The following ADCY1 variants were observed in gnomAD, a reference collection of about 807,000 sequenced individuals.
ADCY1 encodes the protein adenylate cyclase 1, also known as adenylate cyclase type 1.
Under a neutral mutation model 105.4 loss-of-function variants are expected in ADCY1, and 28 were observed. That is an observed-to-expected ratio of 0.27 (90% CI 0.20 to 0.36). ADCY1 has a LOEUF of 0.36. Ranked by LOEUF, ADCY1 falls within the 10% of genes least tolerant of loss-of-function variation. The pLI is 1.00. For synonymous variants in ADCY1, 655 were observed against 623.8 expected (o/e 1.05, Z -0.75); for missense variants, 977 against 1,434.2 (o/e 0.68, Z 5.15).
At chr7:45,633,591 C>G (rs1794318355) in intron 4 of ADCY1, among the ~76,000 whole-genome samples, 1 of 152,082 alleles carries the variant, frequency 6.6e-6, no homozygotes. Flanking sequence ...ATCACGAGAT[C>G]AAGAGATCGA....
intron 3 of ADCY1, among the ~76,000 whole-genome samples, chr7:45,610,818 A>ATGG (rs1793540690): frequency 1.9e-5 from 2 of 104,684 alleles, no homozygotes; most frequent in Admixed American, 9.7e-5. Flanking sequence ...TGGTGGAGGT[A>ATGG]TGGAGGTGAT....
At chr7:45,588,289 G>T (rs1792793481) in intron 1 of ADCY1, among the ~76,000 whole-genome samples, 1 of 151,986 alleles carries the variant, frequency 6.6e-6, no homozygotes, top group Non-Finnish European at 1.5e-5. Context: ...GCCCTGCAAG[G>T]TGCTCCAGGC....
At chr7:45,661,914 C>T in intron 7 of ADCY1, 145 bp from the exon 8 acceptor site, 1 of 982,576 alleles carries the variant, frequency 1.0e-6, no homozygotes, top group Non-Finnish European at 1.5e-6. Context: ...GGCACGTTCC[C>T]CAATGCCTGG....
Position 45,722,380 on chromosome 7 carries a change from G to A in ADCY1, c.*8385G>A, listed in dbSNP as rs1278445409. ...AGGGACAGGCCCAGGCCCGACCTCAGGTCATCCGCCCGCTGGCTGCAGAGC... is the reference window on the plus strand; with the variant it reads ...AGGGACAGGCCCAGGCCCGACCTCAAGTCATCCGCCCGCTGGCTGCAGAGC... On this transcript the variant is annotated 3_prime_UTR_variant, in exon 20 of 20. Transcript: ENST00000297323. 1 of 152,338 alleles carries A rather than the reference G, an allele frequency of 6.6e-6. No individual in the cohort carries two copies. The highest frequency in any genetic ancestry group is 2.1e-4 in the South Asian group (1 of 4,836). The allele number at this position is 152,338 out of a possible 1,614,324, so 9.4% of individuals were successfully genotyped here. A position where few individuals can be genotyped will look rare whatever the true frequency, so the allele number is the denominator to read the frequency against.
At chr7:45,589,644 G>T (rs1213100307) in intron 1 of ADCY1, among the ~76,000 whole-genome samples, 2 of 152,106 alleles carry the variant, frequency 1.3e-5, no homozygotes, top group Non-Finnish European at 2.9e-5. Context: ...GGTTGAGGAT[G>T]CTCATCTGGG....
At chr7:45,659,443 A>G (rs1006863170) in intron 6 of ADCY1, among the ~76,000 whole-genome samples, 4 of 152,122 alleles carry the variant, frequency 2.6e-5, no homozygotes, top group Admixed American at 6.5e-5. Flanking sequence ...AGGAGCAGAG[A>G]CTGTGGGTGT....
At chr7:45,672,841 A>G (rs762895454) in intron 8 of ADCY1, among the ~76,000 whole-genome samples, 3 of 152,054 alleles carry the variant, frequency 2.0e-5, no homozygotes, top group Non-Finnish European at 4.4e-5. Context: ...TTTTAGCACT[A>G]TGCTGCATGG....
intron 8 of ADCY1, among the ~76,000 whole-genome samples, chr7:45,672,432 G>A (rs1051457951): frequency 1.4e-5 from 2 of 147,008 alleles, no homozygotes; most frequent in African/African-American, 5.2e-5. Context: ...TTTCCTTTCT[G>A]TTTGCATGAA....
chr7:45,694,124 A>AC (rs1214163759), intron 14 of ADCY1, among the ~76,000 whole-genome samples: 2 of 150,590 alleles, frequency 1.3e-5, no homozygotes, highest in Non-Finnish European at 3.0e-5. Context: ...ATAAAAAAAA[A>AC]AAAAAAAAAA....
chr7:45,628,317 G>A (rs550658873), intron 4 of ADCY1, among the ~76,000 whole-genome samples: 139 of 152,298 alleles, frequency 9.1e-4, no homozygotes, highest in African/African-American at 3.3e-3. Flanking sequence ...TGAGCCTCTC[G>A]CTTTCCCTGC....
At chr7:45,589,218 A>G (rs916539009) in intron 1 of ADCY1, among the ~76,000 whole-genome samples, 1 of 152,060 alleles carries the variant, frequency 6.6e-6, no homozygotes, top group Non-Finnish European at 1.5e-5. Flanking sequence ...GGGTGTCCAT[A>G]CTGGGAGACC....
chr7:45,658,447 T>C (rs945463063), intron 6 of ADCY1, among the ~76,000 whole-genome samples: 1 of 152,160 alleles, frequency 6.6e-6, no homozygotes, highest in Admixed American at 6.5e-5. Flanking sequence ...TGCACCCCTC[T>C]GCCACCCCCA....
chr7:45,671,335 G>C (rs966864036), intron 8 of ADCY1, among the ~76,000 whole-genome samples: 4 of 152,162 alleles, frequency 2.6e-5, no homozygotes, highest in African/African-American at 9.7e-5. Context: ...TCATTCGCTT[G>C]TTGAAGGACA....
Position 45,686,523 on chromosome 7 carries a change from CT to C in ADCY1, c.2328-20del. On this transcript the variant is annotated intron_variant, in intron 13 of 19. Transcript: ENST00000297323. The surrounding 1 kb of genome is among the most constrained non-coding windows in gnomAD (Gnocchi z 4.3). ...CCCTGGAAGCTCGGCACTGACTTGG[CT>C]TTTCTTCCTCATCTTCCCCCAGGGG... 6.3e-7 allele frequency: 1 copy of C among 1,599,630 alleles called. No individual in the cohort carries two copies. Among genetic ancestry groups the C allele is most frequent in the Non-Finnish European group, 8.5e-7 (1 of 1,171,550 alleles).
rs1405205382 is a variant in ADCY1 at position 45,662,206 on chromosome 7, G to A, written c.1597G>A (p.Asp533Asn). 3.1e-6 allele frequency: 5 copies of A among 1,612,766 alleles called. No individual in the cohort carries two copies. Among genetic ancestry groups the A allele is most frequent in the Admixed American group, 1.7e-5 (1 of 59,922 alleles). The stretch of plus-strand genomic sequence containing the variant: ...CTCCAATGTCATGACCTGCGAGGAC[G>A]ATGACAAGGTAGGAGCAGCCAGGGA... Reference protein sequence around the residue: ...PFSNVMTCEDDDKRRALRTAS... With the variant: ...PFSNVMTCEDNDKRRALRTAS... The change falls in exon 8 of 20, where the codon GAT becomes AAT. Residue 533 changes from aspartate (D) to asparagine (N), a missense_variant. This residue lies in a region of ADCY1 where 275 missense variants were observed against 362.1 expected (regional missense o/e 0.76). Transcript: ENST00000297323.
Position 45,657,596 on chromosome 7 carries a change from C to T in ADCY1, c.1149-131C>T, listed in dbSNP as rs73694825. ...CACTGACTATGCCAGGAGACCTCCA[C>T]GCTCAGGCCACATGCAGCAAGGACA... On this transcript the variant is annotated intron_variant, in intron 5 of 19. Transcript: ENST00000297323. The T allele has an allele frequency of 1.9e-3, 1,935 of 995,064 alleles. 36 individuals carry two copies. In the African/African-American group the frequency reaches 0.028, roughly 14 times the overall value. The allele number at this position is 995,064 out of a possible 1,614,324, so 61.6% of individuals were successfully genotyped here. A position where few individuals can be genotyped will look rare whatever the true frequency, so the allele number is the denominator to read the frequency against.
intron 2 of ADCY1, among the ~76,000 whole-genome samples, chr7:45,594,192 G>T (rs1053783959): frequency 6.6e-6 from 1 of 152,138 alleles, no homozygotes; most frequent in Non-Finnish European, 1.5e-5. Context: ...TCTGTGATAT[G>T]CAGGGATATG....
intron 8 of ADCY1, chr7:45,664,167 C>T (rs979546536): frequency 1.7e-5 from 15 of 890,650 alleles, no homozygotes; most frequent in Admixed American, 8.5e-5. Context: ...GGCGTTCCTG[C>T]TAAAACTGGA....
In ADCY1 at chr7:45,694,112, TAATA is replaced by T. The variant is rs573025706; in HGVS notation, c.2454+7442_2454+7445del. Among the ~76,000 whole-genome samples, 175 of 31,748 alleles carry T rather than the reference TAATA, an allele frequency of 5.5e-3. 1 individual carries two copies. The East Asian group carries it at 0.11, about 19-fold the overall frequency. The allele number at this position is 31,748 out of a possible 152,430, so 20.8% of individuals were successfully genotyped here. A position where few individuals can be genotyped will look rare whatever the true frequency, so the allele number is the denominator to read the frequency against. On this transcript the variant is annotated intron_variant, in intron 14 of 19. Coordinates refer to ENST00000297323, the MANE Select transcript of ADCY1 (RefSeq NM_021116.4). ...CACATGTACCCTAAAACTTAGAGTA[TAATA>T]AAAAAAAAAAAAAAAAAAAAACACT...
Sources: gnomAD v4.1 joint callset for allele counts (sites outside exome capture counted in the v4.1 genomes callset) on GRCh38, gnomAD v4.1.1 for gene constraint, gnomAD v4.1.1 regional missense constraint, Gnocchi (gnomAD v3.1) non-coding constraint, MANE v1.5 for transcripts, NCBI Gene and HGNC (gene_info 2026-07-23, HGNC 2026-07-21) for gene names.